The following PPFIBP1 variants were observed in gnomAD, a reference collection of about 807,000 sequenced individuals.
PPFIBP1 encodes liprin-beta-1.
PPFIBP1 carries 112 observed loss-of-function variants against 137.8 expected under a neutral mutation model. That is an observed-to-expected ratio of 0.81 (90% confidence interval 0.70 to 0.95). The LOEUF (loss-of-function observed/expected upper bound fraction) is 0.95. PPFIBP1 is among the 40% of genes least tolerant of loss of function. The pLI is 0.00. For synonymous variants in PPFIBP1, 378 were observed against 417.3 expected (o/e 0.91, Z 1.15); for missense variants, 1,083 against 1,196.6 (o/e 0.91, Z 1.40).
chr12:27,585,659 T>C lies in PPFIBP1; in HGVS notation c.-36+7420T>C, dbSNP rs148062475. On this transcript the variant is annotated intron_variant, in intron 2 of 29. Coordinates refer to ENST00000228425, the MANE Select transcript of PPFIBP1 (RefSeq NM_003622.4). ...CATTTTTGTAAGTCTGGATAAAATG[T>C]ACACTAACTACGGGTAAAAGTGAAG... 3.5e-3 allele frequency among the ~76,000 whole-genome samples: 531 copies of C among 152,298 alleles called. 1 individual carries two copies. The highest frequency in any genetic ancestry group is 6.8e-3 in the Middle Eastern group (2 of 294).
Position 27,658,799 on chromosome 12 carries a change from T to A in PPFIBP1, c.812-17T>A, listed in dbSNP as rs1261286878. On this transcript the variant is annotated splice_polypyrimidine_tract_variant and intron_variant, in intron 9 of 29. Coordinates refer to ENST00000228425, the MANE Select transcript of PPFIBP1 (RefSeq NM_003622.4). The stretch of plus-strand genomic sequence containing the variant: ...TAATGTATGCTAACTTCCAATCCAA[T>A]GGGTTTTCCTGCACAGATGAAAATT... 2.5e-6 allele frequency: 4 copies of A among 1,608,412 alleles called. No individual in the cohort carries two copies. Among genetic ancestry groups the A allele is most frequent in the Non-Finnish European group, 3.4e-6 (4 of 1,175,778 alleles).
At chr12:27,606,878 G>T (rs1044364376) in intron 2 of PPFIBP1, among the ~76,000 whole-genome samples, 12 of 152,294 alleles carry the variant, frequency 7.9e-5, no homozygotes, top group African/African-American at 2.9e-4. Flanking sequence ...TGCTCTGTTA[G>T]TTCAAGAAGC....
intron 2 of PPFIBP1, among the ~76,000 whole-genome samples, chr12:27,613,667 C>A (rs2055406390): frequency 2.0e-5 from 3 of 149,748 alleles, no homozygotes; most frequent in Admixed American, 6.7e-5. Context: ...CTCGCCACTG[C>A]ACTCCAGCCT....
At chr12:27,676,343 C>A in intron 17 of PPFIBP1, 85 bp from the exon 18 acceptor site, 1 of 1,048,592 alleles carries the variant, frequency 9.5e-7, no homozygotes, top group Non-Finnish European at 1.3e-6. Flanking sequence ...ATGGATGTGG[C>A]GTGAGTGAGT....
intron 2 of PPFIBP1, chr12:27,599,363 C>T (rs754422357): frequency 2.1e-4 from 92 of 436,904 alleles, no homozygotes; most frequent in South Asian, 9.6e-4. Flanking sequence ...GGCACTTACA[C>T]TATCAGCCCT....
chr12:27,668,545 T>G (rs1242215112), intron 13 of PPFIBP1, among the ~76,000 whole-genome samples: 2 of 152,268 alleles, frequency 1.3e-5, no homozygotes, highest in Non-Finnish European at 2.9e-5. Context: ...CTCAGTTTTG[T>G]GCCTGCAGAA....
intron 1 of PPFIBP1, among the ~76,000 whole-genome samples, chr12:27,540,185 G>A (rs1945490748): frequency 6.6e-6 from 1 of 150,892 alleles, no homozygotes; most frequent in Non-Finnish European, 1.5e-5. Context: ...AGCCTCCCAT[G>A]TAGTAGGATT....
At chr12:27,616,151 A>G (rs971668786) in intron 2 of PPFIBP1, among the ~76,000 whole-genome samples, 1 of 150,492 alleles carries the variant, frequency 6.6e-6, no homozygotes. Context: ...TCCTTTTTAT[A>G]CCCCATCTGC....
chr12:27,628,690 G>A (rs1251956375), intron 2 of PPFIBP1, among the ~76,000 whole-genome samples: 3 of 152,154 alleles, frequency 2.0e-5, no homozygotes, highest in Non-Finnish European at 4.4e-5. Context: ...AGAGGTCCAT[G>A]CATGTCCAAC....
At chr12:27,629,065 T>A (rs2346751) in intron 2 of PPFIBP1, among the ~76,000 whole-genome samples, 1 of 152,320 alleles carries the variant, frequency 6.6e-6, no homozygotes, top group South Asian at 2.1e-4. Context: ...CCCTGAAATC[T>A]TGGACAGTTA....
chr12:27,599,327 T>C (rs1193849171), intron 2 of PPFIBP1: 1 of 383,518 alleles, frequency 2.6e-6, no homozygotes, highest in Non-Finnish European at 5.2e-6. Context: ...TTTTGCACAG[T>C]CCTTCCCTGC....
intron 5 of PPFIBP1, among the ~76,000 whole-genome samples, chr12:27,646,751 T>G (rs949496533): frequency 1.2e-4 from 19 of 152,294 alleles, no homozygotes; most frequent in Non-Finnish European, 2.6e-4. Flanking sequence ...TGAGTTTGCT[T>G]CTTCATAATG....
chr12:27,673,774 A>G lies in PPFIBP1; in HGVS notation c.1327A>G (p.Ser443Gly). 6.2e-7 allele frequency: 1 copy of G among 1,613,026 alleles called. No individual in the cohort carries two copies. The highest frequency in any genetic ancestry group is 8.5e-7 in the Non-Finnish European group (1 of 1,179,268). The change falls in exon 16 of 30, where the codon AGT becomes GGT. Residue 443 changes from serine to glycine, a missense_variant. By Grantham distance (56) the Ser-to-Gly change is moderately conservative. Coordinates refer to ENST00000228425, the MANE Select transcript of PPFIBP1 (RefSeq NM_003622.4). Reference protein sequence around the residue: ...TQLCDKLLTSSLQKSSSLGNL... With the variant: ...TQLCDKLLTSGLQKSSSLGNL... ...TATTACTGTTATTTTTAGAACTTCA[A>G]GTCTGCAGAAGTCCAGCAGCCTGGG...
intron 1 of PPFIBP1, among the ~76,000 whole-genome samples, chr12:27,525,914 G>C (rs1459987737): frequency 6.6e-6 from 1 of 152,156 alleles, no homozygotes; most frequent in African/African-American, 2.4e-5. Flanking sequence ...GGATAAAATA[G>C]CAGGCTTTTT....
chr12:27,576,080 G>A (rs2050534050), intron 1 of PPFIBP1, among the ~76,000 whole-genome samples: 1 of 152,154 alleles, frequency 6.6e-6, no homozygotes, highest in South Asian at 2.1e-4. Context: ...GTTAGTTAAT[G>A]TGAATTTCTC....
chr12:27,690,690 G>A (rs2061482483), intron 27 of PPFIBP1, among the ~76,000 whole-genome samples: 1 of 152,192 alleles, frequency 6.6e-6, no homozygotes. Context: ...CATAACTTGG[G>A]TCCAAATATT....
rs145082802 is a variant in PPFIBP1 at position 27,619,063 on chromosome 12, C to T, written c.-35-14299C>T. Among the ~76,000 whole-genome samples, 137 of 152,202 alleles carry T rather than the reference C, an allele frequency of 9.0e-4. No homozygotes were observed. The Middle Eastern group carries it at 0.01, about 11-fold the overall frequency. ...GGGAGAGACAAGTGCTATAGGAGTACTTGATGATGCGGTAATCTTCCTTGA... is the reference window on the plus strand; with the variant it reads ...GGGAGAGACAAGTGCTATAGGAGTATTTGATGATGCGGTAATCTTCCTTGA... On this transcript the variant is annotated intron_variant, in intron 2 of 29. Coordinates refer to ENST00000228425, the MANE Select transcript of PPFIBP1 (RefSeq NM_003622.4).
Position 27,655,081 on chromosome 12 carries a change from C to G in PPFIBP1, c.696+267C>G, listed in dbSNP as rs555426570. ...CCTTTATAAACTGATACTGTTTTCT[C>G]GGTTATTTAGCTTGTCTTTTTCTAT... On this transcript the variant is annotated intron_variant, in intron 8 of 29. Coordinates refer to ENST00000228425, the MANE Select transcript of PPFIBP1 (RefSeq NM_003622.4). 105 of 1,273,838 alleles carry G rather than the reference C, an allele frequency of 8.2e-5. No homozygotes were observed. The African/African-American group carries it at 1.5e-3, about 18-fold the overall frequency. 78.9% of individuals were successfully genotyped at this position (1,273,838 alleles called of 1,614,324 possible). A position where few individuals can be genotyped will look rare whatever the true frequency, so the allele number is the denominator to read the frequency against.
At position 27,661,615 on chromosome 12, in the gene PPFIBP1, T is replaced by C. The variant is rs1167086510; in HGVS notation, c.906+670T>C. Among the ~76,000 whole-genome samples, 6 of 152,212 alleles carry C rather than the reference T, an allele frequency of 3.9e-5. No individual in the cohort carries two copies. The East Asian group carries it at 1.2e-3, about 29-fold the overall frequency. On this transcript the variant is annotated intron_variant, in intron 11 of 29. Coordinates refer to ENST00000228425, the MANE Select transcript of PPFIBP1 (RefSeq NM_003622.4). ...ATCTAGCAGGCAGCCGCAGCTGTGT[T>C]CAGCTGATGTCATCAGAACTTCTCT... is the stretch of plus-strand genomic sequence containing the variant.
Sources: allele counts gnomAD v4.1 joint callset (sites outside exome capture counted in the v4.1 genomes callset), GRCh38; gene constraint gnomAD v4.1.1; transcripts MANE v1.5; gene names NCBI Gene and HGNC (gene_info 2026-07-23, HGNC 2026-07-21).